Variants in ALG8 observed in about 807,000 individuals in gnomAD.
The protein encoded by ALG8 is dolichyl pyrophosphate Glc1Man9GlcNAc2 alpha-1,3-glucosyltransferase.
Under a neutral mutation model 70.2 loss-of-function variants are expected in ALG8, and 48 were observed. The ratio of observed to expected loss-of-function variants is 0.68; its 90% CI spans 0.54 to 0.87. The LOEUF (loss-of-function observed/expected upper bound fraction) is 0.87. ALG8 is among the 40% of genes least tolerant of loss of function. The pLI is 0.00. For missense variants in ALG8, 572 were observed against 608.7 expected (o/e 0.94, Z 0.64); for synonymous variants, 234 against 229.0 (o/e 1.02, Z -0.20).
chr11:78,131,247 A>G (rs1861297177), intron 1 of ALG8, among the ~76,000 whole-genome samples: 1 of 151,938 alleles, frequency 6.6e-6, no homozygotes, highest in Non-Finnish European at 1.5e-5. Context: ...TGAAAAAAAA[A>G]GCAAAACTAA....
intron 3 of ALG8, among the ~76,000 whole-genome samples, chr11:78,121,735 C>G (rs1272997514): frequency 6.6e-6 from 1 of 152,048 alleles, no homozygotes; most frequent in Admixed American, 6.6e-5. Flanking sequence ...TTATTTCAGT[C>G]CTTAAGAGTA....
chr11:78,114,529 T>G (rs1860468267), intron 5 of ALG8, 137 bp from the exon 6 acceptor site: 2 of 1,056,358 alleles, frequency 1.9e-6, no homozygotes, highest in Non-Finnish European at 1.4e-6. Flanking sequence ...GCATCAATAT[T>G]GCTTTCTTAG....
At chr11:78,109,342 A>G in intron 9 of ALG8, 100 bp downstream of exon 9, 1 of 1,504,690 alleles carries the variant, frequency 6.6e-7, no homozygotes, top group South Asian at 1.1e-5. Flanking sequence ...CATGAAATTT[A>G]TCCTACAGTT....
chr11:78,121,531 C>T lies in ALG8; in HGVS notation c.369-357G>A, dbSNP rs113804339. On this transcript the variant is annotated intron_variant, in intron 3 of 12. Coordinates refer to ENST00000299626, the MANE Select transcript of ALG8 (RefSeq NM_024079.5). ...GCTTGGGGTCTGAGGCCAGCCTGGG[C>T]GACATAGTAAGACCTTCTCACTAGA... is the stretch of plus-strand genomic sequence containing the variant. 7.2e-3 allele frequency among the ~76,000 whole-genome samples: 1,019 copies of T among 140,766 alleles called. 11 individuals are homozygous for T. The highest frequency in any genetic ancestry group is 0.025 in the African/African-American group (939 of 37,120). 92.3% of individuals were successfully genotyped at this position (140,766 alleles called of 152,430 possible).
intron 9 of ALG8, among the ~76,000 whole-genome samples, chr11:78,107,372 C>G (rs1292250087): frequency 6.7e-6 from 1 of 148,392 alleles, no homozygotes; most frequent in Non-Finnish European, 1.5e-5. Context: ...AGGTGCCTGC[C>G]ACCACGCCCA....
chr11:78,101,883 C>T (rs1859811901), intron 12 of ALG8, among the ~76,000 whole-genome samples: 1 of 151,976 alleles, frequency 6.6e-6, no homozygotes, highest in African/African-American at 2.4e-5. Context: ...GCTCTGTCAC[C>T]CAGACTGGAG....
intron 1 of ALG8, among the ~76,000 whole-genome samples, chr11:78,135,775 G>A (rs1468360040): frequency 6.6e-6 from 1 of 151,606 alleles, no homozygotes; most frequent in Admixed American, 6.6e-5. Context: ...TCGAACCCGG[G>A]AAGCTGAGGT....
chr11:78,119,208 G>C lies in ALG8; in HGVS notation c.520C>G (p.Leu174Val). 6.2e-7 allele frequency: 1 copy of C among 1,611,844 alleles called. No homozygotes were observed. The highest frequency in any genetic ancestry group is 8.5e-7 in the Non-Finnish European group (1 of 1,178,140). The change falls in exon 5 of 13, where the codon CTA becomes GTA. Residue 174 changes from leucine (L) to valine (V), a missense_variant. Coordinates refer to ENST00000299626, the MANE Select transcript of ALG8 (RefSeq NM_024079.5). ...QYNGFLFGLM[L>V]LSIARLFQKR... The stretch of plus-strand genomic sequence containing the variant: ...TGAAATAATCGTGCAATGGAGAGTA[G>C]CATTAATCCAAATAAAAAGCCATTG...
intron 9 of ALG8, among the ~76,000 whole-genome samples, chr11:78,109,134 T>C (rs1158858633): frequency 6.6e-6 from 1 of 152,172 alleles, no homozygotes; most frequent in Non-Finnish European, 1.5e-5. Flanking sequence ...CCACAAACAT[T>C]TCCTTCTTTC....
intron 8 of ALG8, among the ~76,000 whole-genome samples, chr11:78,111,296 C>T (rs1860277497): frequency 6.6e-6 from 1 of 152,204 alleles, no homozygotes; most frequent in Non-Finnish European, 1.5e-5. Flanking sequence ...GTTTGTCTGG[C>T]TCCAAAGTCT....
intron 10 of ALG8, 91 bp from the exon 11 acceptor site, chr11:78,104,544 G>A: frequency 1.7e-6 from 2 of 1,176,574 alleles, no homozygotes; most frequent in South Asian, 2.7e-5. Context: ...ATTAGAACTG[G>A]CTGAGGCATA....
At chr11:78,136,432 G>C (rs1406816654) in intron 1 of ALG8, among the ~76,000 whole-genome samples, 1 of 152,140 alleles carries the variant, frequency 6.6e-6, no homozygotes, top group Non-Finnish European at 1.5e-5. Context: ...AGCTATTCGG[G>C]AGGCTGAGGG....
At chr11:78,129,115 G>A (rs2845554) in intron 1 of ALG8, among the ~76,000 whole-genome samples, 28,825 of 151,750 alleles carry the variant, frequency 0.19, 3,083 homozygotes, top group Middle Eastern at 0.29. Context: ...TAAAAGACAC[G>A]TACTGTAAGA....
chr11:78,110,806 C>T (rs1403313266), intron 8 of ALG8, among the ~76,000 whole-genome samples: 1 of 152,124 alleles, frequency 6.6e-6, no homozygotes, highest in Non-Finnish European at 1.5e-5. Context: ...AACCTCTTCC[C>T]CTTTCCCCTT....
rs565906286 is a variant in ALG8 at position 78,109,964 on chromosome 11, T to A, written c.899-383A>T. ...CTATTCCTAAACATAGTATCCAGTG[T>A]CTTCCATGATCTCATCGCCCCTTCC... On this transcript the variant is annotated intron_variant, in intron 8 of 12. Transcript: ENST00000299626. Among the ~76,000 whole-genome samples, 6 of 152,312 alleles carry A rather than the reference T, an allele frequency of 3.9e-5. No individual in the cohort carries two copies. The South Asian group carries it at 1.2e-3, about 32-fold the overall frequency.
chr11:78,101,801 T>C (rs769566777), intron 12 of ALG8, among the ~76,000 whole-genome samples: 40 of 152,234 alleles, frequency 2.6e-4, no homozygotes, highest in South Asian at 4.1e-4. Context: ...TGCTGTGACA[T>C]TGGAATAAGA....
At chr11:78,127,472 T>C in intron 1 of ALG8, 36 bp from the exon 2 acceptor site, 7 of 1,567,770 alleles carry the variant, frequency 4.5e-6, no homozygotes, top group Non-Finnish European at 4.4e-6. Context: ...AATGAGATTT[T>C]GCAATATTTA....
intron 12 of ALG8, among the ~76,000 whole-genome samples, chr11:78,101,485 C>T (rs931164459): frequency 9.9e-5 from 15 of 152,004 alleles, no homozygotes; most frequent in Non-Finnish European, 1.8e-4. Context: ...AAAAATTAGC[C>T]GACCAGGGTG....
chr11:78,109,701 G>T, intron 8 of ALG8, 120 bp from the exon 9 acceptor site: 1 of 1,008,492 alleles, frequency 9.9e-7, no homozygotes, highest in Non-Finnish European at 1.5e-6. Context: ...CTGCTTAAAG[G>T]CTAAGATTTC....
Sources: gnomAD v4.1 joint callset for allele counts (sites outside exome capture counted in the v4.1 genomes callset) on GRCh38, gnomAD v4.1.1 for gene constraint, MANE v1.5 for transcripts, NCBI Gene and HGNC (gene_info 2026-07-23, HGNC 2026-07-21) for gene names.